INO80: variants seen among roughly 807,000 people sequenced by gnomAD.
INO80 encodes the protein INO80 complex ATPase subunit.
Under a neutral mutation model 203.4 loss-of-function variants are expected in INO80, and 20 were observed. The ratio of observed to expected loss-of-function variants is 0.10; its 90% CI spans 0.07 to 0.14. The LOEUF (loss-of-function observed/expected upper bound fraction) is 0.14. Ranked by LOEUF, INO80 falls within the 10% of genes least tolerant of loss-of-function variation. The pLI is 1.00. For synonymous variants in INO80, 726 were observed against 685.2 expected (o/e 1.06, Z -0.93); for missense variants, 1,419 against 1,914.4 (o/e 0.74, Z 4.83).
intron 27 of INO80, chr15:41,011,646 T>C (rs2044135251): frequency 6.6e-6 from 1 of 151,976 alleles, no homozygotes; most frequent in Admixed American, 6.6e-5. Context: ...ACTTAAGATA[T>C]CAAGTGTGCC....
intron 27 of INO80, among the ~76,000 whole-genome samples, chr15:41,007,721 C>T (rs8034461): frequency 0.88 from 132,207 of 149,450 alleles, 60,568 homozygotes; most frequent in East Asian, 1. Flanking sequence ...AGCAGTGGGA[C>T]TTCAGGCTTT....
At chr15:41,079,590 AC>A (rs372412980) in intron 9 of INO80, 110 bp downstream of exon 9, 1,001 of 1,024,788 alleles carry the variant, frequency 9.8e-4, no homozygotes, top group Middle Eastern at 3.3e-3. Flanking sequence ...AAAAAAAAAA[AC>A]AAAAAATTGA....
At chr15:41,005,453 C>A in intron 28 of INO80, 140 bp downstream of exon 28, 1 of 574,862 alleles carries the variant, frequency 1.7e-6, no homozygotes, top group Admixed American at 3.2e-5. Context: ...GATTTAGTAA[C>A]TTCTTAAAAT....
chr15:40,982,543 TA>T (rs1893870026), intron 35 of INO80, among the ~76,000 whole-genome samples: 1 of 152,218 alleles, frequency 6.6e-6, no homozygotes, highest in African/African-American at 2.4e-5. Flanking sequence ...TTTGGATTAC[TA>T]AAATGTGGAT....
In INO80 at chr15:40,980,201, G is replaced by C; in HGVS notation, c.*22C>G. On this transcript the variant is annotated 3_prime_UTR_variant, in exon 36 of 36. Coordinates refer to ENST00000648947, the MANE Select transcript of INO80 (RefSeq NM_017553.3). ...GGACTCTAGCCCTGGTTTGGTTGAA[G>C]GAAGTCGGAGGGCCCAGATGGTTAC... The C allele has an allele frequency of 6.2e-7, 1 of 1,604,244 alleles. No individual in the cohort carries two copies. Among genetic ancestry groups the C allele is most frequent in the Non-Finnish European group, 8.5e-7 (1 of 1,172,726 alleles).
intron 21 of INO80, among the ~76,000 whole-genome samples, chr15:41,049,002 T>C (rs2044816961): frequency 1.3e-5 from 2 of 152,178 alleles, no homozygotes; most frequent in Admixed American, 1.3e-4. Context: ...ATTTCAGCAA[T>C]GGGGCATAGA....
At chr15:41,022,431 C>G (rs796843597) in intron 25 of INO80, among the ~76,000 whole-genome samples, 4 of 152,162 alleles carry the variant, frequency 2.6e-5, no homozygotes, top group African/African-American at 9.6e-5. Flanking sequence ...TGAAGCGGAC[C>G]AAAAGTGTAG....
intron 7 of INO80, among the ~76,000 whole-genome samples, chr15:41,083,272 G>T: frequency 7.5e-6 from 1 of 133,008 alleles, no homozygotes. Flanking sequence ...GCCAGACTCC[G>T]TCTCAAAAAA....
At chr15:41,092,203 A>C in intron 4 of INO80, 21 bp from the exon 5 acceptor site, 1 of 1,562,740 alleles carries the variant, frequency 6.4e-7, no homozygotes, top group Non-Finnish European at 8.8e-7. Flanking sequence ...TGAAAATAGA[A>C]ATGTATCTTT....
chr15:41,106,262 T>A (rs1455033442), intron 1 of INO80, among the ~76,000 whole-genome samples: 3 of 151,366 alleles, frequency 2.0e-5, no homozygotes, highest in Non-Finnish European at 4.4e-5. Context: ...CGAGCACCTA[T>A]AGTCCCAGCT....
In INO80 at chr15:41,016,151, G is replaced by A; in HGVS notation, c.3339C>T (p.Leu1113=). The change falls in exon 27 of 36, where the codon CTC becomes CTT. Residue 1113 remains leucine, a synonymous_variant. Coordinates refer to ENST00000648947, the MANE Select transcript of INO80 (RefSeq NM_017553.3). The part of the protein sequence containing the change: ...LYALDVLLTR[L]KSQGHRVLIY... The stretch of plus-strand genomic sequence containing the variant: ...TAAGGACCCTATGCCCTTGAGACTT[G>A]AGCCGAGTCAGCAGGACATCAAGGG... The A allele has an allele frequency of 1.2e-6, 2 of 1,613,418 alleles. No homozygotes were observed. The highest frequency in any genetic ancestry group is 1.1e-5 in the South Asian group (1 of 91,060).
chr15:40,994,559 G>T (rs996738566), intron 29 of INO80, among the ~76,000 whole-genome samples: 2 of 151,772 alleles, frequency 1.3e-5, no homozygotes, highest in South Asian at 2.1e-4. Context: ...TAGAGACAGG[G>T]TTTCACCATA....
intron 25 of INO80, among the ~76,000 whole-genome samples, chr15:41,021,478 C>T (rs1013013484): frequency 1.3e-5 from 2 of 152,234 alleles, no homozygotes; most frequent in Non-Finnish European, 2.9e-5. Context: ...GCAAAGTTCT[C>T]TTAACCATAT....
At chr15:41,098,744 T>C (rs550257643) in intron 1 of INO80, among the ~76,000 whole-genome samples, 2 of 152,266 alleles carry the variant, frequency 1.3e-5, no homozygotes, top group South Asian at 2.1e-4. Context: ...TATCCACATA[T>C]ACAACTTTTT....
chr15:41,032,336 A>T (rs1039222583), intron 24 of INO80, among the ~76,000 whole-genome samples: 2 of 152,204 alleles, frequency 1.3e-5, no homozygotes, highest in Admixed American at 6.5e-5. Flanking sequence ...AGTGTTGATA[A>T]ATCAGCTCTT....
chr15:41,080,726 C>G (rs548396223), intron 8 of INO80, among the ~76,000 whole-genome samples: 2 of 152,184 alleles, frequency 1.3e-5, no homozygotes, highest in South Asian at 4.2e-4. Context: ...ATGGCAGGTG[C>G]CTATAATCCC....
At chr15:40,995,304 C>A (rs552088032) in intron 29 of INO80, among the ~76,000 whole-genome samples, 1 of 152,274 alleles carries the variant, frequency 6.6e-6, no homozygotes, top group South Asian at 2.1e-4. Flanking sequence ...AAAGAACAAA[C>A]AGAAGTTCAC....
At chr15:41,070,588 A>G (rs753644090) in intron 12 of INO80, 41 bp from the exon 13 acceptor site, 2 of 1,503,802 alleles carry the variant, frequency 1.3e-6, no homozygotes, top group African/African-American at 1.4e-5. Context: ...CATGCATTTC[A>G]TCAAATAAAG....
At chr15:41,023,117 AAG>A in intron 25 of INO80, 5 of 356,794 alleles carry the variant, frequency 1.4e-5, no homozygotes, top group East Asian at 7.6e-5. Flanking sequence ...AAAAAAAAAA[AAG>A]TTAAAAAAAG....
Sources: allele counts gnomAD v4.1 joint callset (sites outside exome capture counted in the v4.1 genomes callset), GRCh38; gene constraint gnomAD v4.1.1; transcripts MANE v1.5; gene names NCBI Gene and HGNC (gene_info 2026-07-23, HGNC 2026-07-21).